Variants in MCUB observed in about 807,000 individuals in gnomAD.
MCUB encodes the protein mitochondrial calcium uniporter dominant negative subunit beta.
Under a neutral mutation model 41.4 loss-of-function variants are expected in MCUB, and 46 were observed. The observed-to-expected ratio is 1.11, with a 90% CI of 0.88 to 1.42. MCUB has a LOEUF of 1.42. MCUB is among the 40% of genes most tolerant of loss of function. The pLI is 0.00. For missense variants in MCUB, 403 were observed against 404.9 expected, an observed-to-expected ratio of 1.00 and a Z score of 0.04; for synonymous variants, 148 against 148.2, an observed-to-expected ratio of 1.00 and a Z score of 0.01.
chr4:109,644,574 AT>A (rs1728791260), intron 1 of MCUB, among the ~76,000 whole-genome samples: 1 of 152,144 alleles, frequency 6.6e-6, no homozygotes, highest in African/African-American at 2.4e-5. Context: ...TTCCACCTTC[AT>A]TTTTCCTCAT....
At position 109,566,251 on chromosome 4, in the gene MCUB, C is replaced by T. The variant is rs184761861; in HGVS notation, c.99+5815C>T. On this transcript the variant is annotated intron_variant, in intron 1 of 7. Coordinates refer to ENST00000394650, the MANE Select transcript of MCUB (RefSeq NM_017918.5). Reference sequence around the variant, plus strand: ...TTGGGAGGCCAAGGTGGGCAGATCACGAGGTGAGGAGATCGAGACTATCCT... The same window carrying T: ...TTGGGAGGCCAAGGTGGGCAGATCATGAGGTGAGGAGATCGAGACTATCCT... 5.6e-3 allele frequency among the ~76,000 whole-genome samples: 848 copies of T among 151,414 alleles called. 4 individuals carry two copies. Among genetic ancestry groups the T allele is most frequent in the Middle Eastern group, 0.01 (3 of 294 alleles).
rs529789636 is a variant in MCUB, at chr4:109,678,370, G to A, written c.452-4212G>A. ...GGTACACCTCCCAGGTGGGGCGGCC[G>A]GGCAGAGGCGCTCCTCACTTCCCAC... is the stretch of plus-strand genomic sequence containing the variant. On this transcript the variant is annotated intron_variant, in intron 4 of 7. Transcript: ENST00000394650. 1.8e-4 allele frequency among the ~76,000 whole-genome samples: 27 copies of A among 151,402 alleles called. 1 individual carries two copies. In the South Asian group the frequency reaches 4.4e-3, roughly 25 times the overall value.
rs542002507 is a variant in MCUB, at chr4:109,587,012, A to G, written c.99+26576A>G. On this transcript the variant is annotated intron_variant, in intron 1 of 7. Transcript: ENST00000394650. ...TCAGAGCTGTCAGAGAGGGACGTTT[A>G]AGTCTGCAGAGTTTCTGATGCCTTT... is the stretch of plus-strand genomic sequence containing the variant. Among the ~76,000 whole-genome samples, 3 of 152,280 alleles carry G rather than the reference A, an allele frequency of 2.0e-5. No homozygotes were observed. The East Asian group carries it at 5.8e-4, about 29-fold the overall frequency.
chr4:109,604,477 ACTT>A (rs1238903532), intron 1 of MCUB, among the ~76,000 whole-genome samples: 1 of 152,160 alleles, frequency 6.6e-6, no homozygotes, highest in Non-Finnish European at 1.5e-5. Flanking sequence ...GATAAATTTA[ACTT>A]CTTCCTTTCC....
intron 1 of MCUB, among the ~76,000 whole-genome samples, chr4:109,586,159 C>T (rs562960552): frequency 7.2e-5 from 11 of 152,272 alleles, no homozygotes; most frequent in Admixed American, 3.9e-4. Flanking sequence ...TCTTTTTACA[C>T]TTTTTTCTCT....
rs1297117333 is a variant in MCUB at position 109,626,909 on chromosome 4, A to AT, written c.100-32098dup. On this transcript the variant is annotated intron_variant, in intron 1 of 7. Transcript: ENST00000394650. Reference sequence around the variant, plus strand: ...AAACAACTTGAGGAGCATTAGCTGCATTTTGTCACATTATAATTAAAACAG... The same window carrying AT: ...AAACAACTTGAGGAGCATTAGCTGCATTTTTGTCACATTATAATTAAAACAG... 3.3e-5 allele frequency among the ~76,000 whole-genome samples: 5 copies of AT among 151,594 alleles called. No individual in the cohort carries two copies. The South Asian group carries it at 6.3e-4, about 19-fold the overall frequency.
chr4:109,633,976 T>C (rs1262734457), intron 1 of MCUB, among the ~76,000 whole-genome samples: 3 of 152,110 alleles, frequency 2.0e-5, no homozygotes, highest in Non-Finnish European at 4.4e-5. Flanking sequence ...CGCTGTACTT[T>C]CATTGTATTA....
chr4:109,586,447 A>G (rs13327976), intron 1 of MCUB, among the ~76,000 whole-genome samples: 2,747 of 152,172 alleles, frequency 0.018, 60 homozygotes, highest in South Asian at 0.072. Flanking sequence ...TCTGAAGCCT[A>G]CTTCTGTCAG....
At chr4:109,620,872 A>G (rs1728236275) in intron 1 of MCUB, among the ~76,000 whole-genome samples, 1 of 150,982 alleles carries the variant, frequency 6.6e-6, no homozygotes, top group South Asian at 2.1e-4. Flanking sequence ...AACTTGCTCA[A>G]AGAACAAGAA....
At chr4:109,655,444 A>C (rs997058076) in intron 1 of MCUB, among the ~76,000 whole-genome samples, 1 of 152,158 alleles carries the variant, frequency 6.6e-6, no homozygotes, top group Non-Finnish European at 1.5e-5. Flanking sequence ...TGAACATTCT[A>C]GGCTTTTAAT....
chr4:109,584,613 C>G (rs183952072), intron 1 of MCUB, among the ~76,000 whole-genome samples: 31 of 152,318 alleles, frequency 2.0e-4, no homozygotes, highest in Admixed American at 2.0e-3. Flanking sequence ...TCCCTCCACA[C>G]ATTGCTTTAA....
intron 1 of MCUB, among the ~76,000 whole-genome samples, chr4:109,574,933 A>G (rs1406522099): frequency 2.0e-5 from 3 of 152,222 alleles, no homozygotes; most frequent in Non-Finnish European, 4.4e-5. Flanking sequence ...GATCCAAAAA[A>G]AGTATGAGAC....
At chr4:109,656,918 A>G (rs1469626479) in intron 1 of MCUB, among the ~76,000 whole-genome samples, 2 of 152,088 alleles carry the variant, frequency 1.3e-5, no homozygotes, top group African/African-American at 4.8e-5. Context: ...AGTGAGCTAC[A>G]TTTTTAGAAA....
At position 109,560,392 on chromosome 4, in the gene MCUB, A is replaced by G. The variant is rs1352460292; in HGVS notation, c.55A>G (p.Thr19Ala). Residue 19 changes from threonine to alanine, a missense_variant, in exon 1 of 8, where the codon ACC (threonine) becomes GCC (alanine). Coordinates refer to ENST00000394650, the MANE Select transcript of MCUB (RefSeq NM_017918.5). ...WRTRLLPTPGTWRPARPWPLP... is the reference protein window; with the variant it reads ...WRTRLLPTPGAWRPARPWPLP... ...CACGCGGCTGCTGCCGACCCCTGGCACCTGGCGCCCAGCGCGCCCGTGGCC... is the reference window on the plus strand; with the variant it reads ...CACGCGGCTGCTGCCGACCCCTGGCGCCTGGCGCCCAGCGCGCCCGTGGCC... 5 of 1,327,048 alleles carry G rather than the reference A, an allele frequency of 3.8e-6. No homozygotes were observed. In the East Asian group the frequency reaches 1.2e-4, roughly 33 times the overall value. 82.2% of individuals were successfully genotyped at this position (1,327,048 alleles called of 1,614,324 possible). A position where few individuals can be genotyped will look rare whatever the true frequency, so the allele number is the denominator to read the frequency against.
chr4:109,578,939 G>C (rs1264068068), intron 1 of MCUB, among the ~76,000 whole-genome samples: 3 of 152,186 alleles, frequency 2.0e-5, no homozygotes. Context: ...CTCTTTGAAA[G>C]TATCGGGACT....
chr4:109,607,995 A>G (rs530798675), intron 1 of MCUB, among the ~76,000 whole-genome samples: 1 of 152,134 alleles, frequency 6.6e-6, no homozygotes, highest in Non-Finnish European at 1.5e-5. Context: ...CTCTTTCTCT[A>G]CTTCCTCTTC....
chr4:109,589,790 C>T lies in MCUB; in HGVS notation c.99+29354C>T, dbSNP rs9999789. On this transcript the variant is annotated intron_variant, in intron 1 of 7. Transcript: ENST00000394650. ...GTATCCTCAGGGGGTGGCAGGTTGCCTGGCACAGAGTGGGTGCTCCGTGCA... is the reference window on the plus strand; with the variant it reads ...GTATCCTCAGGGGGTGGCAGGTTGCTTGGCACAGAGTGGGTGCTCCGTGCA... Among the ~76,000 whole-genome samples, 989 of 152,292 alleles carry T rather than the reference C, an allele frequency of 6.5e-3. 10 individuals are homozygous for T. The highest frequency in any genetic ancestry group is 0.022 in the African/African-American group (933 of 41,558).
At chr4:109,591,049 G>A (rs1471714660) in intron 1 of MCUB, among the ~76,000 whole-genome samples, 1 of 151,984 alleles carries the variant, frequency 6.6e-6, no homozygotes, top group Non-Finnish European at 1.5e-5. Flanking sequence ...ATTGAAACTC[G>A]TTGGAAATTC....
intron 1 of MCUB, among the ~76,000 whole-genome samples, chr4:109,574,535 C>G (rs1726986202): frequency 6.6e-6 from 1 of 152,216 alleles, no homozygotes; most frequent in African/African-American, 2.4e-5. Context: ...GAAGCAAAAT[C>G]TTTTCCTCCG....
Sources: allele counts gnomAD v4.1 joint callset (sites outside exome capture counted in the v4.1 genomes callset), GRCh38; gene constraint gnomAD v4.1.1; transcripts MANE v1.5; gene names NCBI Gene and HGNC (gene_info 2026-07-23, HGNC 2026-07-21).